The following CNNM4 variants were observed in gnomAD, a reference collection of about 807,000 sequenced individuals.
CNNM4 encodes the protein cyclin and CBS domain divalent metal cation transport mediator 4.
CNNM4 carries 32 observed loss-of-function variants against 53.7 expected under a neutral mutation model. The observed-to-expected ratio is 0.60, with a 90% confidence interval of 0.45 to 0.80. The LOEUF (loss-of-function observed/expected upper bound fraction) is 0.80, where lower values mean the gene tolerates loss of function less well. CNNM4 is among the 30% of genes least tolerant of loss of function. The pLI, the probability that CNNM4 is intolerant of heterozygous loss-of-function variation, is 0.00. For missense variants in CNNM4, 784 were observed against 1,022.0 expected, an observed-to-expected ratio of 0.77 and a Z score of 3.17; for synonymous variants, 410 against 440.0, an observed-to-expected ratio of 0.93 and a Z score of 0.85.
In CNNM4 at chr2:96,801,022, G is replaced by A. The variant is rs1250466695; in HGVS notation, c.1948+1374G>A. On this transcript the variant is annotated intron_variant, in intron 5 of 6. Transcript: ENST00000377075. This position sits in a 1 kb window ranked among gnomAD's most constrained non-coding sequence, Gnocchi z 5.6. ...GCCTCTGTCCTGTGCCTGTGGTTCC[G>A]TGTCCTGTCTCCTGACTGCGCCCAT... is the stretch of plus-strand genomic sequence containing the variant. 4.5e-6 allele frequency: 4 copies of A among 897,998 alleles called. No homozygotes were observed. The highest frequency in any genetic ancestry group is 3.6e-5 in the African/African-American group (2 of 55,404). 55.6% of individuals were successfully genotyped at this position (897,998 alleles called of 1,614,324 possible). A position where few individuals can be genotyped will look rare whatever the true frequency, so the allele number is the denominator to read the frequency against.
At chr2:96,798,928 C>A in intron 3 of CNNM4, 129 bp from the exon 4 acceptor site, 1 of 919,420 alleles carries the variant, frequency 1.1e-6, no homozygotes, top group Non-Finnish European at 1.7e-6. Flanking sequence ...GAACGAGGGC[C>A]GGCCGAGCAG....
At position 96,762,276 on chromosome 2, in the gene CNNM4, A is replaced by C. The variant is rs1245015222; in HGVS notation, c.1277A>C (p.Asp426Ala). The C allele has an allele frequency of 6.2e-7, 1 of 1,613,932 alleles. No individual in the cohort carries two copies. Among genetic ancestry groups the C allele is most frequent in the African/African-American group, 1.3e-5 (1 of 74,882 alleles). The change falls in exon 1 of 7, where the codon GAC becomes GCC. Residue 426 changes from aspartate to alanine, a missense_variant. Transcript: ENST00000377075. ...ATTGTAGATATTCTCTACGTCAAAG[A>C]CTTGGCCTTTGTGGACCCCGATGAC... ...SNIVDILYVK[D>A]LAFVDPDDCT...
At chr2:96,805,430 T>G (rs1041363945) in intron 5 of CNNM4, among the ~76,000 whole-genome samples, 7 of 140,758 alleles carry the variant, frequency 5.0e-5, no homozygotes, top group Non-Finnish European at 9.0e-5. Flanking sequence ...TTTTTTTTTT[T>G]TTTTTTTTTA....
intron 1 of CNNM4, among the ~76,000 whole-genome samples, chr2:96,775,285 GT>G (rs2078914749): frequency 6.6e-6 from 1 of 151,958 alleles, no homozygotes. Context: ...AAGTTTTTCT[GT>G]TTATAAACTT....
intron 1 of CNNM4, among the ~76,000 whole-genome samples, chr2:96,782,778 G>A (rs2078985677): frequency 6.6e-6 from 1 of 152,178 alleles, no homozygotes; most frequent in African/African-American, 2.4e-5. Flanking sequence ...CATTTCTTTT[G>A]TGTATGTTGG....
At chr2:96,780,501 C>A (rs2078965004) in intron 1 of CNNM4, among the ~76,000 whole-genome samples, 1 of 150,778 alleles carries the variant, frequency 6.6e-6, no homozygotes, top group African/African-American at 2.4e-5. Flanking sequence ...TTCAAGTGAT[C>A]CTCCCGCCTT....
chr2:96,797,145 C>A lies in CNNM4; in HGVS notation c.1536C>A (p.Ser512=), dbSNP rs766813263. ...EIIKSEILDE[S]DMYTDNRSRK... The stretch of plus-strand genomic sequence containing the variant: ...TCAAGTCGGAGATCCTGGACGAGTC[C>A]GACATGTACAGTGAGTCCAGCCTTC... The change falls in exon 2 of 7, where the codon TCC becomes TCA. Residue 512 remains serine (S), a synonymous_variant. Coordinates refer to ENST00000377075, the MANE Select transcript of CNNM4 (RefSeq NM_020184.4). This position sits in a 1 kb window ranked among gnomAD's most constrained non-coding sequence, Gnocchi z 6.0. 6.2e-7 allele frequency: 1 copy of A among 1,614,124 alleles called. No individual in the cohort carries two copies.
chr2:96,808,460 G>C lies in CNNM4; in HGVS notation c.1949-101G>C. 2 of 1,181,448 alleles carry C rather than the reference G, an allele frequency of 1.7e-6. No homozygotes were observed. The highest frequency in any genetic ancestry group is 1.9e-5 in the Admixed American group (1 of 52,424). The allele number at this position is 1,181,448 out of a possible 1,614,324, so 73.2% of individuals were successfully genotyped here. On this transcript the variant is annotated intron_variant, in intron 5 of 6. Coordinates refer to ENST00000377075, the MANE Select transcript of CNNM4 (RefSeq NM_020184.4). This position sits in a 1 kb window ranked among gnomAD's most constrained non-coding sequence, Gnocchi z 4.9. ...TCCCTAAGAATGACTTCCTGTTCCTGGGTGGGGTGTCCCTGGGCTTCCATG... is the reference window on the plus strand; with the variant it reads ...TCCCTAAGAATGACTTCCTGTTCCTCGGTGGGGTGTCCCTGGGCTTCCATG...
intron 1 of CNNM4, among the ~76,000 whole-genome samples, chr2:96,765,778 T>C (rs2078812347): frequency 8.2e-6 from 1 of 121,756 alleles, no homozygotes; most frequent in Non-Finnish European, 1.7e-5. Flanking sequence ...CTGTTCTTTT[T>C]TTCTTTCTTT....
chr2:96,782,038 A>AT (rs1006573874), intron 1 of CNNM4, among the ~76,000 whole-genome samples: 1 of 152,160 alleles, frequency 6.6e-6, no homozygotes, highest in African/African-American at 2.4e-5. Context: ...ACACTGATTG[A>AT]TTTTTTAATG....
Position 96,808,578 on chromosome 2 carries a change from C to G in CNNM4, c.1966C>G (p.Pro656Ala), listed in dbSNP as rs778797812. The G allele has an allele frequency of 6.2e-7, 1 of 1,614,030 alleles. No homozygotes were observed. Among genetic ancestry groups the G allele is most frequent in the Non-Finnish European group, 8.5e-7 (1 of 1,180,004 alleles). ...SVPSDRSPAHPTPLSRSASLS... is the reference protein window; with the variant it reads ...SVPSDRSPAHATPLSRSASLS... ...CCCTGCAGACCGTTCCCCAGCACAC[C>G]CCACCCCACTCAGCCGCTCAGCCTC... The change falls in exon 6 of 7, where the codon CCC becomes GCC. Residue 656 changes from proline to alanine, a missense_variant. Physicochemically the swap from Pro to Ala is conservative, Grantham distance 27. Transcript: ENST00000377075. This position sits in a 1 kb window ranked among gnomAD's most constrained non-coding sequence, Gnocchi z 4.9.
chr2:96,765,484 C>T (rs2078808337), intron 1 of CNNM4, among the ~76,000 whole-genome samples: 1 of 152,150 alleles, frequency 6.6e-6, no homozygotes, highest in South Asian at 2.1e-4. Flanking sequence ...TCTAGCCCAG[C>T]ATCTCTCTCT....
rs994148263 is a variant in CNNM4 at position 96,809,102 on chromosome 2, G to A, written c.2131-218G>A. 6 of 1,023,820 alleles carry A rather than the reference G, an allele frequency of 5.9e-6. No individual in the cohort carries two copies. In the South Asian group the frequency reaches 7.8e-5, roughly 13 times the overall value. The allele number at this position is 1,023,820 out of a possible 1,614,324, so 63.4% of individuals were successfully genotyped here. A position where few individuals can be genotyped will look rare whatever the true frequency, so the allele number is the denominator to read the frequency against. ...AGCGATTTGCCCGCCTCAGCCTCCT[G>A]AAGTGCTGGGATTACAGGTGTGAGC... On this transcript the variant is annotated intron_variant, in intron 6 of 6. Transcript: ENST00000377075.
chr2:96,769,691 G>C (rs1409242739), intron 1 of CNNM4, among the ~76,000 whole-genome samples: 1 of 152,184 alleles, frequency 6.6e-6, no homozygotes, highest in Non-Finnish European at 1.5e-5. Flanking sequence ...CTATTCGGGA[G>C]CCTCCTTGGA....
At chr2:96,769,536 C>A (rs1367742010) in intron 1 of CNNM4, among the ~76,000 whole-genome samples, 2 of 150,268 alleles carry the variant, frequency 1.3e-5, no homozygotes, top group African/African-American at 4.9e-5. Flanking sequence ...TGCACTCCAG[C>A]CTGGGTGACA....
intron 1 of CNNM4, among the ~76,000 whole-genome samples, chr2:96,786,264 A>C (rs2153347266): frequency 6.6e-6 from 1 of 151,962 alleles, no homozygotes; most frequent in South Asian, 2.1e-4. Flanking sequence ...TAAAAACACA[A>C]AAATTAGCCA....
In CNNM4 at chr2:96,761,237, G is replaced by T. The variant is rs1231035201; in HGVS notation, c.238G>T (p.Gly80Cys). The change falls in exon 1 of 7, where the codon GGC becomes TGC. Residue 80 changes from glycine (G) to cysteine (C), a missense_variant. This residue lies in a region of CNNM4 where 473 missense variants were observed against 624.6 expected (regional missense o/e 0.76). Coordinates refer to ENST00000377075, the MANE Select transcript of CNNM4 (RefSeq NM_020184.4). This position sits in a 1 kb window ranked among gnomAD's most constrained non-coding sequence, Gnocchi z 6.0. ...CAGCACCGTGAACCTGAGGCTGTACGGCTACAGCCTGGGCAACATCTCCAG... is the reference window on the plus strand; with the variant it reads ...CAGCACCGTGAACCTGAGGCTGTACTGCTACAGCCTGGGCAACATCTCCAG... The part of the protein sequence containing the change: ...EGSTVNLRLY[G>C]YSLGNISSNL... The T allele has an allele frequency of 8.1e-6, 13 of 1,613,980 alleles. No individual in the cohort carries two copies. The highest frequency in any genetic ancestry group is 1.1e-5 in the Non-Finnish European group (13 of 1,179,988).
In CNNM4 at chr2:96,762,208, C is replaced by T. The variant is rs761212821; in HGVS notation, c.1209C>T (p.Ser403=). ...DFNTMSEIME[S]GYTRIPVFED... ...ACACCATGTCGGAGATAATGGAAAGCGGCTATACTCGCATCCCGGTGTTCG... is the reference window on the plus strand; with the variant it reads ...ACACCATGTCGGAGATAATGGAAAGTGGCTATACTCGCATCCCGGTGTTCG... Residue 403 remains serine, a synonymous_variant, in exon 1 of 7, where the codon AGC becomes AGT. Coordinates refer to ENST00000377075, the MANE Select transcript of CNNM4 (RefSeq NM_020184.4). 5 of 1,614,126 alleles carry T rather than the reference C, an allele frequency of 3.1e-6. No homozygotes were observed. Among genetic ancestry groups the T allele is most frequent in the South Asian group, 1.1e-5 (1 of 91,082 alleles).
chr2:96,761,977 T>G lies in CNNM4; in HGVS notation c.978T>G (p.Phe326Leu), dbSNP rs201014887. ...TTCCCATTAGCAAGCTCCTGGACTT[T>G]TTTCTGGGCCAGGAGATTCGCACTG... is the stretch of plus-strand genomic sequence containing the variant. ...LSFPISKLLD[F>L]FLGQEIRTVY... is the part of the protein sequence containing the mutation. Residue 326 changes from phenylalanine (F) to leucine (L), a missense_variant, in exon 1 of 7, where the codon TTT becomes TTG. By Grantham distance (22) the Phe-to-Leu change is conservative (BLOSUM62 0). Around this residue, in one of 3 missense-constraint regions of CNNM4, gnomAD observed 473 missense variants for 624.6 expected, o/e 0.76. Transcript: ENST00000377075. The surrounding 1 kb of genome is among the most constrained non-coding windows in gnomAD (Gnocchi z 6.0). The G allele has an allele frequency of 3.4e-5, 55 of 1,614,078 alleles. No homozygotes were observed. Among genetic ancestry groups the G allele is most frequent in the Non-Finnish European group, 4.3e-5 (51 of 1,180,014 alleles).
Sources: allele counts gnomAD v4.1 joint callset (sites outside exome capture counted in the v4.1 genomes callset), GRCh38; gene constraint gnomAD v4.1.1; regional missense constraint gnomAD v4.1.1; non-coding constraint Gnocchi (gnomAD v3.1); transcripts MANE v1.5; gene names NCBI Gene and HGNC (gene_info 2026-07-23, HGNC 2026-07-21).